The following MYBL2 variants were observed in gnomAD, a reference collection of about 807,000 sequenced individuals.
The protein encoded by MYBL2 is myb-related protein B.
A neutral mutation model predicts 79.9 loss-of-function variants in MYBL2; 28 were observed. The ratio of observed to expected loss-of-function variants is 0.35; its 90% CI spans 0.26 to 0.48. The LOEUF is 0.48. MYBL2 is among the 20% of genes least tolerant of loss of function. The pLI is 0.99. For missense variants in MYBL2, 735 were observed against 893.9 expected (o/e 0.82, Z 2.27); for synonymous variants, 378 against 361.2 (o/e 1.05, Z -0.53).
At chr20:43,705,036 C>A (rs56285825) in intron 8 of MYBL2, among the ~76,000 whole-genome samples, 183 bp from the exon 9 acceptor site, 1 of 152,068 alleles carries the variant, frequency 6.6e-6, no homozygotes, top group African/African-American at 2.4e-5. Flanking sequence ...GCTTGGTGGG[C>A]TCCTGGCATC....
chr20:43,709,979 C>T lies in MYBL2; in HGVS notation c.1522C>T (p.Gln508Ter). The T allele has an allele frequency of 6.2e-7, 1 of 1,607,502 alleles. No homozygotes were observed. The highest frequency in any genetic ancestry group is 8.5e-7 in the Non-Finnish European group (1 of 1,176,902). Residue 508 changes from glutamine (Q) to a stop codon, truncating the protein, a stop_gained, in exon 10 of 14, where the codon CAG becomes TAG. Coordinates refer to ENST00000217026, the MANE Select transcript of MYBL2 (RefSeq NM_002466.4). LOFTEE classifies it high-confidence loss of function. ...CCCTGGCAGGTTTGTAACCCCAGAT[C>T]AGAAGTACTCCATGGACAACACTCC... Reference protein sequence around the residue: ...QKHAAFVTPDQKYSMDNTPHT... With the variant: ...QKHAAFVTPD
At chr20:43,681,921 C>T (rs1195419392) in intron 3 of MYBL2, 66 bp downstream of exon 3, 1 of 1,550,312 alleles carries the variant, frequency 6.5e-7, no homozygotes. Context: ...GTGCCTGGGA[C>T]AGACTTTGCC....
chr20:43,683,455 T>C (rs1180161127), intron 4 of MYBL2, among the ~76,000 whole-genome samples: 1 of 150,604 alleles, frequency 6.6e-6, no homozygotes, highest in Non-Finnish European at 1.5e-5. Context: ...ACCTTGGGAG[T>C]TCCCTCATCT....
intron 4 of MYBL2, among the ~76,000 whole-genome samples, chr20:43,683,635 C>A (rs1459172343): frequency 6.7e-6 from 1 of 148,896 alleles, no homozygotes; most frequent in African/African-American, 2.5e-5. Context: ...CTCACTGCAT[C>A]CTCCGCCTCC....
chr20:43,716,450 A>T lies in MYBL2; in HGVS notation c.*363A>T. On this transcript the variant is annotated 3_prime_UTR_variant, in exon 14 of 14. Transcript: ENST00000217026. The stretch of plus-strand genomic sequence containing the variant: ...TCCTGTGCTCACCCTCTCTTGGTGC[A>T]TTTTTTTGGAAGAATAAAATTGCCT... The T allele has an allele frequency of 4.0e-6, 1 of 250,784 alleles. No homozygotes were observed. Among genetic ancestry groups the T allele is most frequent in the Non-Finnish European group, 7.5e-6 (1 of 133,012 alleles). The allele number at this position is 250,784 out of a possible 1,614,324, so 15.5% of individuals were successfully genotyped here. A position where few individuals can be genotyped will look rare whatever the true frequency, so the allele number is the denominator to read the frequency against.
chr20:43,673,816 G>C lies in MYBL2; in HGVS notation c.31G>C (p.Asp11His), dbSNP rs959597219. The C allele has an allele frequency of 3.8e-6, 6 of 1,565,328 alleles. No individual in the cohort carries two copies. Among genetic ancestry groups the C allele is most frequent in the Non-Finnish European group, 5.2e-6 (6 of 1,153,662 alleles). Residue 11 changes from aspartate (D) to histidine (H), a missense_variant, in exon 2 of 14, where the codon GAT becomes CAT. By Grantham distance (81) the Asp-to-His change is moderately conservative (BLOSUM62 -1). Coordinates refer to ENST00000217026, the MANE Select transcript of MYBL2 (RefSeq NM_002466.4). Reference protein sequence around the residue: MSRRTRCEDLDELHYQDTDSD... With the variant: MSRRTRCEDLHELHYQDTDSD... ...CTGCTTTCCCCATAGCGAGGATCTG[G>C]ATGAGCTGCACTACCAGGACACAGA...
chr20:43,714,597 TAAGA>T (rs1198820053), intron 12 of MYBL2, among the ~76,000 whole-genome samples: 2 of 152,198 alleles, frequency 1.3e-5, no homozygotes, highest in African/African-American at 2.4e-5. Context: ...TTTTTTTAAG[TAAGA>T]AAGTTCTTTA....
intron 1 of MYBL2, 143 bp downstream of exon 1, chr20:43,667,446 C>G (rs941533713): frequency 1.8e-6 from 1 of 558,448 alleles, no homozygotes; most frequent in Non-Finnish European, 2.6e-6. Flanking sequence ...CGCGGAAATG[C>G]TGCGTCCTGG....
intron 1 of MYBL2, among the ~76,000 whole-genome samples, chr20:43,671,011 C>G (rs1440546418): frequency 6.6e-6 from 1 of 150,448 alleles, no homozygotes; most frequent in Non-Finnish European, 1.5e-5. Flanking sequence ...CTCTGTTGCC[C>G]AGGCTGCAGT....
chr20:43,704,748 C>T (rs1987742881), intron 8 of MYBL2, among the ~76,000 whole-genome samples: 1 of 152,200 alleles, frequency 6.6e-6, no homozygotes. Flanking sequence ...GCCTATGTCT[C>T]AGGATTTGTG....
At chr20:43,674,698 T>C (rs1243972006) in intron 2 of MYBL2, among the ~76,000 whole-genome samples, 2 of 151,040 alleles carry the variant, frequency 1.3e-5, no homozygotes, top group Non-Finnish European at 3.0e-5. Context: ...CCGGCCTTAA[T>C]TTTTGTATTT....
At chr20:43,709,566 T>C (rs897196181) in intron 9 of MYBL2, among the ~76,000 whole-genome samples, 3 of 152,136 alleles carry the variant, frequency 2.0e-5, no homozygotes, top group African/African-American at 7.2e-5. Context: ...CTTTCCCTCA[T>C]TGTGCTGCCA....
intron 7 of MYBL2, 110 bp from the exon 8 acceptor site, chr20:43,702,380 G>T: frequency 3.5e-6 from 4 of 1,157,620 alleles, no homozygotes; most frequent in Non-Finnish European, 3.7e-6. Context: ...ATTAATGATT[G>T]GTCCTGGGCT....
rs760577536 is a variant in MYBL2, at chr20:43,702,796, C to T, written c.1258C>T (p.Leu420=). ...LKRQRKRRVA[L]SPVTENSTSL... is the part of the protein sequence containing the mutation. ...GCGGCAGAGGAAGAGGCGTGTGGCTCTGTCCCCTGTCACTGAGAATAGCAC... is the reference window on the plus strand; with the variant it reads ...GCGGCAGAGGAAGAGGCGTGTGGCTTTGTCCCCTGTCACTGAGAATAGCAC... Residue 420 remains leucine (L), a synonymous_variant, in exon 8 of 14, where the codon CTG becomes TTG. Transcript: ENST00000217026. 25 of 1,614,218 alleles carry T rather than the reference C, an allele frequency of 1.5e-5. No homozygotes were observed. The highest frequency in any genetic ancestry group is 2.1e-5 in the Non-Finnish European group (25 of 1,180,044).
chr20:43,695,316 C>T (rs1248680230), intron 6 of MYBL2, among the ~76,000 whole-genome samples: 1 of 152,300 alleles, frequency 6.6e-6, no homozygotes, highest in East Asian at 1.9e-4. Flanking sequence ...GCTAGGATTG[C>T]AGGCATGAGC....
chr20:43,685,095 C>T (rs1243247232), intron 4 of MYBL2, among the ~76,000 whole-genome samples: 19 of 146,954 alleles, frequency 1.3e-4, no homozygotes, highest in Admixed American at 5.5e-4. Context: ...TGCAGTGAGC[C>T]GAGATGGCGC....
At chr20:43,712,447 T>G (rs1328125548) in intron 11 of MYBL2, among the ~76,000 whole-genome samples, 1 of 152,096 alleles carries the variant, frequency 6.6e-6, no homozygotes, top group Non-Finnish European at 1.5e-5. Context: ...TTGTGAGCCA[T>G]GGCAGCCCCT....
Position 43,702,737 on chromosome 20 carries a change from G to T in MYBL2, c.1199G>T (p.Gly400Val), listed in dbSNP as rs752076706. 3 of 1,614,136 alleles carry T rather than the reference G, an allele frequency of 1.9e-6. No individual in the cohort carries two copies. In the East Asian group the frequency reaches 6.7e-5, roughly 36 times the overall value. The change falls in exon 8 of 14, where the codon GGC becomes GTC. Residue 400 changes from glycine (G) to valine (V), a missense_variant. Physicochemically the swap from Gly to Val is moderately radical, Grantham distance 109. This residue lies in a region of MYBL2 where 243 missense variants were observed against 327.2 expected (regional missense o/e 0.74). Transcript: ENST00000217026. ...IPISPSTEVG[G>V]SGIGTPPSVL... is the part of the protein sequence containing the mutation. ...ATCTCCCCCAGCACTGAAGTCGGGG[G>T]CTCTGGCATTGGCACACCGCCCTCT...
chr20:43,709,815 A>C, intron 9 of MYBL2, 148 bp from the exon 10 acceptor site: 1 of 632,808 alleles, frequency 1.6e-6, no homozygotes, highest in Middle Eastern at 3.0e-4. Flanking sequence ...CGAGCCCCTG[A>C]CTTGGACCTG....
Sources: gnomAD v4.1 joint callset for allele counts (sites outside exome capture counted in the v4.1 genomes callset) on GRCh38, gnomAD v4.1.1 for gene constraint, gnomAD v4.1.1 regional missense constraint, MANE v1.5 for transcripts, NCBI Gene and HGNC (gene_info 2026-07-23, HGNC 2026-07-21) for gene names.